CYP7B1: variants seen among roughly 807,000 people sequenced by gnomAD.
CYP7B1 encodes cytochrome P450 family 7 subfamily B member 1.
CYP7B1 carries 29 observed loss-of-function variants against 42.7 expected under a neutral mutation model. The observed-to-expected ratio is 0.68, with a 90% CI of 0.51 to 0.93. CYP7B1 has a LOEUF of 0.93. Ranked by LOEUF, CYP7B1 falls within the 40% of genes least tolerant of loss-of-function variation. The pLI is 0.00. For synonymous variants in CYP7B1, 235 were observed against 218.2 expected (o/e 1.08, Z -0.68); for missense variants, 655 against 600.5 (o/e 1.09, Z -0.95).
chr8:64,588,588 C>T (rs1255274347), downstream of CYP7B1, among the ~76,000 whole-genome samples: 3 of 152,222 alleles, frequency 2.0e-5, no homozygotes, highest in Admixed American at 2.0e-4. Flanking sequence ...TACTGAAGAA[C>T]TTGGTGCAAG....
chr8:64,596,515 A>C lies in CYP7B1; in HGVS notation c.*127T>G. 1.0e-6 allele frequency: 1 copy of C among 980,072 alleles called. No individual in the cohort carries two copies. The highest frequency in any genetic ancestry group is 1.5e-6 in the Non-Finnish European group (1 of 669,304). The allele number at this position is 980,072 out of a possible 1,614,324, so 60.7% of individuals were successfully genotyped here. A position where few individuals can be genotyped will look rare whatever the true frequency, so the allele number is the denominator to read the frequency against. On this transcript the variant is annotated 3_prime_UTR_variant, in exon 6 of 6. Transcript: ENST00000310193. The stretch of plus-strand genomic sequence containing the variant: ...TAAGGACAAACTGGACTGATATCAG[A>C]TCAAATAGAAATTAGCGCTTTTTAA...
chr8:64,645,779 A>G (rs1805944085), intron 1 of CYP7B1, among the ~76,000 whole-genome samples: 1 of 152,218 alleles, frequency 6.6e-6, no homozygotes, highest in East Asian at 1.9e-4. Flanking sequence ...GAGGCATCAC[A>G]CTACCTGACT....
chr8:64,724,868 C>T (rs1807298546), intron 1 of CYP7B1, among the ~76,000 whole-genome samples: 1 of 152,208 alleles, frequency 6.6e-6, no homozygotes, highest in Non-Finnish European at 1.5e-5. Context: ...TTCCCCTTTT[C>T]CCCAAAGACA....
At chr8:64,704,402 A>G (rs1183351202) in intron 1 of CYP7B1, among the ~76,000 whole-genome samples, 1 of 152,072 alleles carries the variant, frequency 6.6e-6, no homozygotes, top group Non-Finnish European at 1.5e-5. Context: ...TGGGTTCCCC[A>G]TTTAATTCAT....
chr8:64,660,146 T>A (rs1197418771), intron 1 of CYP7B1, among the ~76,000 whole-genome samples: 1 of 152,234 alleles, frequency 6.6e-6, no homozygotes, highest in Non-Finnish European at 1.5e-5. Context: ...TACTGTTGCT[T>A]TGTTACAGAT....
At chr8:64,685,164 G>A (rs1298914635) in intron 1 of CYP7B1, among the ~76,000 whole-genome samples, 5 of 152,074 alleles carry the variant, frequency 3.3e-5, no homozygotes, top group Admixed American at 6.5e-5. Context: ...CCCCGCCGGC[G>A]AGCGCCGCCC....
intron 1 of CYP7B1, among the ~76,000 whole-genome samples, chr8:64,654,612 A>T (rs1436339167): frequency 6.6e-6 from 1 of 152,196 alleles, no homozygotes; most frequent in East Asian, 1.9e-4. Context: ...CAATCTATAG[A>T]TTCAATGTTA....
chr8:64,752,913 T>C (rs1403033009), intron 1 of CYP7B1, among the ~76,000 whole-genome samples: 1 of 152,200 alleles, frequency 6.6e-6, no homozygotes, highest in African/African-American at 2.4e-5. Context: ...TTTGGTAATT[T>C]ACTATTCATA....
rs77824353 is a variant in CYP7B1, at chr8:64,711,526, A to T, written c.122+86940T>A. ...ACTCTCTGAAATGAGTCCCTGCCTTAAAGAGGGAAGTCAAGGTTTACAGAA... is the reference window on the plus strand; with the variant it reads ...ACTCTCTGAAATGAGTCCCTGCCTTTAAGAGGGAAGTCAAGGTTTACAGAA... On this transcript the variant is annotated intron_variant, in intron 1 of 5. Coordinates refer to ENST00000310193, the MANE Select transcript of CYP7B1 (RefSeq NM_004820.5). Among the ~76,000 whole-genome samples the T allele has an allele frequency of 1.6e-4, 24 of 152,286 alleles. No homozygotes were observed. The East Asian group carries it at 4.6e-3, about 29-fold the overall frequency.
intron 1 of CYP7B1, among the ~76,000 whole-genome samples, chr8:64,776,132 T>C (rs186274355): frequency 2.0e-5 from 3 of 152,262 alleles, no homozygotes; most frequent in Admixed American, 6.5e-5. Flanking sequence ...CTGGAAACAG[T>C]AGTTCGAAGA....
chr8:64,675,618 C>G (rs13252585), intron 1 of CYP7B1, among the ~76,000 whole-genome samples: 1 of 151,958 alleles, frequency 6.6e-6, no homozygotes, highest in East Asian at 1.9e-4. Context: ...ACTTAACTAT[C>G]ACTAAATGAT....
At chr8:64,676,564 C>G (rs1180866548) in intron 1 of CYP7B1, among the ~76,000 whole-genome samples, 1 of 152,034 alleles carries the variant, frequency 6.6e-6, no homozygotes, top group East Asian at 1.9e-4. Flanking sequence ...TCTGGACTCA[C>G]TTGTATACTC....
chr8:64,770,785 G>C (rs1483326180), intron 1 of CYP7B1, among the ~76,000 whole-genome samples: 2 of 152,132 alleles, frequency 1.3e-5, no homozygotes, highest in Non-Finnish European at 2.9e-5. Flanking sequence ...CTAGTTGCTA[G>C]AGCTATAAAA....
chr8:64,684,963 C>A (rs1406005658), intron 1 of CYP7B1, among the ~76,000 whole-genome samples: 1 of 152,130 alleles, frequency 6.6e-6, no homozygotes, highest in South Asian at 2.1e-4. Context: ...GAAATCAGAG[C>A]CTTCACACAC....
intron 1 of CYP7B1, among the ~76,000 whole-genome samples, chr8:64,748,327 G>A (rs1807676904): frequency 6.6e-6 from 1 of 152,032 alleles, no homozygotes; most frequent in Non-Finnish European, 1.5e-5. Context: ...TCTAAGAGTG[G>A]TCTATCTTCA....
intron 1 of CYP7B1, among the ~76,000 whole-genome samples, chr8:64,627,188 T>C (rs866322691): frequency 3.2e-4 from 49 of 152,236 alleles, no homozygotes; most frequent in African/African-American, 1.1e-3. Flanking sequence ...ATGGGAATCT[T>C]ACTCATTATA....
chr8:64,783,862 C>A (rs141628683), intron 1 of CYP7B1, among the ~76,000 whole-genome samples: 125 of 152,098 alleles, frequency 8.2e-4, no homozygotes, highest in Non-Finnish European at 1.0e-3. Flanking sequence ...AAGTTTTAGA[C>A]CAATTTTAGG....
At position 64,618,322 on chromosome 8, in the gene CYP7B1, T is replaced by A. The variant is rs554118781; in HGVS notation, c.260-2041A>T. 3.3e-5 allele frequency among the ~76,000 whole-genome samples: 5 copies of A among 152,258 alleles called. No individual in the cohort carries two copies. The East Asian group carries it at 9.6e-4, about 29-fold the overall frequency. On this transcript the variant is annotated intron_variant, in intron 2 of 5. Coordinates refer to ENST00000310193, the MANE Select transcript of CYP7B1 (RefSeq NM_004820.5). ...GGATTTTGCTAAATATCTTTGGGGT[T>A]ATTTTAAATTATTCCCTAATATTAC...
At chr8:64,615,666 C>G (rs1450091534) in intron 3 of CYP7B1, 25 bp downstream of exon 3, 1 of 1,599,134 alleles carries the variant, frequency 6.3e-7, no homozygotes, top group Non-Finnish European at 8.6e-7. Context: ...TTATTTTAGG[C>G]AAGTGCTCAT....
Sources: allele counts gnomAD v4.1 joint callset (sites outside exome capture counted in the v4.1 genomes callset), GRCh38; gene constraint gnomAD v4.1.1; transcripts MANE v1.5; gene names NCBI Gene and HGNC (gene_info 2026-07-23, HGNC 2026-07-21).